The following DLG2 variants were observed in gnomAD, a reference collection of about 807,000 sequenced individuals.
The protein encoded by DLG2 is discs large MAGUK scaffold protein 2, also known as disks large homolog 2.
A neutral mutation model predicts 132.5 loss-of-function variants in DLG2; 45 were observed. The ratio of observed to expected loss-of-function variants is 0.34; its 90% CI spans 0.27 to 0.44. The LOEUF is 0.44. DLG2 is among the 20% of genes least tolerant of loss of function. DLG2 has a pLI of 1.00. For missense variants in DLG2, 1,045 were observed against 1,196.9 expected (o/e 0.87, Z 1.87); for synonymous variants, 424 against 419.6 (o/e 1.01, Z -0.13).
intron 7 of DLG2, among the ~76,000 whole-genome samples, chr11:84,357,493 T>C (rs1475169471): frequency 6.6e-6 from 1 of 151,966 alleles, no homozygotes; most frequent in East Asian, 1.9e-4. Context: ...TAATTTTACA[T>C]GGTTGGGTGA....
At chr11:84,455,536 G>A (rs951195225) in intron 7 of DLG2, among the ~76,000 whole-genome samples, 2 of 150,816 alleles carry the variant, frequency 1.3e-5, no homozygotes, top group South Asian at 2.1e-4. Context: ...AGAGACCCTG[G>A]GACTGTGTTA....
In DLG2 at chr11:84,938,574, T is replaced by C. The variant is rs2049019605; in HGVS notation, c.357+173087A>G. 4.6e-5 allele frequency among the ~76,000 whole-genome samples: 7 copies of C among 152,184 alleles called. No individual in the cohort carries two copies. In the South Asian group the frequency reaches 1.4e-3, roughly 32 times the overall value. ...GGAAATGTTTCTTTCTTGTAAAGCA[T>C]ACAGATTTACTTAAATCCTTAAATA... On this transcript the variant is annotated intron_variant, in intron 6 of 27. Coordinates refer to ENST00000376104, the MANE Select transcript of DLG2 (RefSeq NM_001142699.3).
chr11:83,668,706 CATATATATGTGTATATAAACACAT>C (rs1566431480), intron 18 of DLG2, among the ~76,000 whole-genome samples: 29 of 12,812 alleles, frequency 2.3e-3, no homozygotes, highest in African/African-American at 5.4e-3. Context: ...TATATAAACA[CATATATATGTGTATATAAACACAT>C]ATATATGTGT....
chr11:83,567,927 G>A (rs536566), intron 19 of DLG2, among the ~76,000 whole-genome samples: 71,252 of 152,016 alleles, frequency 0.47, 17,198 homozygotes, highest in Admixed American at 0.57. Flanking sequence ...AGATTAGAGA[G>A]TATTTTGTGT....
chr11:85,237,258 T>C (rs1421859955), intron 4 of DLG2, among the ~76,000 whole-genome samples: 2 of 151,920 alleles, frequency 1.3e-5, no homozygotes, highest in Non-Finnish European at 2.9e-5. Context: ...ATTTGCTAAA[T>C]GGCAAAAAGG....
chr11:85,610,747 A>G (rs1223827697), intron 2 of DLG2, among the ~76,000 whole-genome samples: 1 of 151,980 alleles, frequency 6.6e-6, no homozygotes, highest in African/African-American at 2.4e-5. Context: ...CTTTGCCTAC[A>G]GCAGGTCGAA....
At chr11:84,819,106 C>CACACACACA (rs769677741) in intron 6 of DLG2, among the ~76,000 whole-genome samples, 1,825 of 150,506 alleles carry the variant, frequency 0.012, 31 homozygotes, top group African/African-American at 0.036. Context: ...CACACACACA[C>CACACACACA]AATTTCGTTT....
chr11:84,116,343 T>C (rs1305888988), intron 9 of DLG2, among the ~76,000 whole-genome samples: 2 of 152,188 alleles, frequency 1.3e-5, no homozygotes, highest in Non-Finnish European at 2.9e-5. Context: ...TCGAAATACT[T>C]TCCATGTTTT....
At chr11:84,428,588 T>A (rs772940117) in intron 7 of DLG2, among the ~76,000 whole-genome samples, 1 of 152,208 alleles carries the variant, frequency 6.6e-6, no homozygotes, top group Non-Finnish European at 1.5e-5. Flanking sequence ...GAGACAAAGA[T>A]GAAGAAATCT....
intron 7 of DLG2, among the ~76,000 whole-genome samples, chr11:84,348,517 A>G (rs1296227671): frequency 6.6e-6 from 1 of 152,210 alleles, no homozygotes; most frequent in African/African-American, 2.4e-5. Context: ...TAGCTGCAGA[A>G]TTTCTCAAAC....
At chr11:84,235,493 A>C (rs2097146700) in intron 8 of DLG2, among the ~76,000 whole-genome samples, 1 of 152,148 alleles carries the variant, frequency 6.6e-6, no homozygotes. Context: ...GCAGTGAGAC[A>C]TGATAGCACC....
intron 6 of DLG2, among the ~76,000 whole-genome samples, chr11:85,099,627 A>T (rs2070521931): frequency 6.6e-6 from 1 of 152,216 alleles, no homozygotes; most frequent in Non-Finnish European, 1.5e-5. Context: ...AAGCTTTCTT[A>T]AAGAGACATA....
At chr11:84,953,079 T>C (rs2051173255) in intron 6 of DLG2, among the ~76,000 whole-genome samples, 1 of 152,200 alleles carries the variant, frequency 6.6e-6, no homozygotes, top group Non-Finnish European at 1.5e-5. Context: ...TGGTCCATTA[T>C]AATAATATCA....
intron 3 of DLG2, among the ~76,000 whole-genome samples, chr11:85,506,423 T>TAACAAACA (rs2093935080): frequency 6.6e-6 from 1 of 152,236 alleles, no homozygotes; most frequent in Non-Finnish European, 1.5e-5. Context: ...GTGTCTTTGT[T>TAACAAACA]CTCATTGGTT....
chr11:85,342,874 T>C (rs1023346899), intron 3 of DLG2, among the ~76,000 whole-genome samples: 6 of 152,186 alleles, frequency 3.9e-5, no homozygotes, highest in Non-Finnish European at 1.5e-5. Context: ...ATGTAAGGTG[T>C]GTAATAAAGT....
At chr11:83,721,806 T>C (rs2088653343) in intron 18 of DLG2, among the ~76,000 whole-genome samples, 1 of 152,178 alleles carries the variant, frequency 6.6e-6, no homozygotes, top group Admixed American at 6.5e-5. Flanking sequence ...GGCAAACTTA[T>C]GAATATAAAT....
rs34820095 is a variant in DLG2, at chr11:84,350,174, T to TCC, written c.520-98885_520-98884dup. 4.7e-3 allele frequency among the ~76,000 whole-genome samples: 382 copies of TCC among 81,904 alleles called. 5 individuals carry two copies. Among genetic ancestry groups the TCC allele is most frequent in the East Asian group, 8.8e-3 (27 of 3,052 alleles). The allele number at this position is 81,904 out of a possible 152,430, so 53.7% of individuals were successfully genotyped here. On this transcript the variant is annotated intron_variant, in intron 7 of 27. Coordinates refer to ENST00000376104, the MANE Select transcript of DLG2 (RefSeq NM_001142699.3). Reference sequence around the variant, plus strand: ...GCCTGGGCGACAGAGAGAGACTTCGTCCCCCCCCCCAAAAAAAAAAAAAAA... The same window carrying TCC: ...GCCTGGGCGACAGAGAGAGACTTCGTCCCCCCCCCCCCAAAAAAAAAAAAAAA...
At chr11:83,501,697 G>A (rs1482540214) in intron 21 of DLG2, among the ~76,000 whole-genome samples, 2 of 151,934 alleles carry the variant, frequency 1.3e-5, no homozygotes, top group African/African-American at 4.8e-5. Flanking sequence ...GTATTATTTT[G>A]TTCCTGTGAT....
chr11:85,072,352 T>C (rs1316378226), intron 6 of DLG2, among the ~76,000 whole-genome samples: 3 of 151,746 alleles, frequency 2.0e-5, no homozygotes, highest in African/African-American at 7.3e-5. Flanking sequence ...ACTGTGAAAA[T>C]TTTACTACGC....
Sources: gnomAD v4.1 joint callset for allele counts (sites outside exome capture counted in the v4.1 genomes callset) on GRCh38, gnomAD v4.1.1 for gene constraint, MANE v1.5 for transcripts, NCBI Gene and HGNC (gene_info 2026-07-23, HGNC 2026-07-21) for gene names.